The following RALYL variants were observed in gnomAD, a reference collection of about 807,000 sequenced individuals.
RALYL encodes RALY RNA binding protein like.
A neutral mutation model predicts 35.1 loss-of-function variants in RALYL; 29 were observed. The ratio of observed to expected loss-of-function variants is 0.83; its 90% CI spans 0.61 to 1.13. RALYL has a LOEUF of 1.13. Ranked by LOEUF, RALYL falls within the 50% of genes most tolerant of loss-of-function variation. The pLI, the probability that RALYL is intolerant of heterozygous loss-of-function variation, is 0.00. For synonymous variants in RALYL, 120 were observed against 127.6 expected, an observed-to-expected ratio of 0.94 and a Z score of 0.40; for missense variants, 359 against 360.4, an observed-to-expected ratio of 1.00 and a Z score of 0.03.
rs1352691341 is a variant in RALYL at position 84,757,194 on chromosome 8, T to C, written c.257-17385T>C. 2.0e-5 allele frequency among the ~76,000 whole-genome samples: 3 copies of C among 152,294 alleles called. No individual in the cohort carries two copies. The East Asian group carries it at 5.8e-4, about 29-fold the overall frequency. ...CTATGAATATTAGATTATCTGCTGTTAATTAAACTCAGGCCTGATATGATG... is the reference window on the plus strand; with the variant it reads ...CTATGAATATTAGATTATCTGCTGTCAATTAAACTCAGGCCTGATATGATG... On this transcript the variant is annotated intron_variant, in intron 2 of 8. Transcript: ENST00000521268.
intron 2 of RALYL, among the ~76,000 whole-genome samples, chr8:84,750,596 G>A (rs967070826): frequency 6.6e-6 from 1 of 152,130 alleles, no homozygotes; most frequent in African/African-American, 2.4e-5. Context: ...CATTTAAGAG[G>A]AAATAAGATT....
intron 1 of RALYL, among the ~76,000 whole-genome samples, chr8:84,485,473 A>G (rs1161932868): frequency 6.6e-6 from 1 of 152,068 alleles, no homozygotes; most frequent in Non-Finnish European, 1.5e-5. Flanking sequence ...TCAAATACTC[A>G]GGAGGCTGAG....
intron 1 of RALYL, among the ~76,000 whole-genome samples, chr8:84,254,454 A>G (rs1396809441): frequency 6.6e-6 from 1 of 152,088 alleles, no homozygotes; most frequent in East Asian, 1.9e-4. Flanking sequence ...AGTCTGTGGG[A>G]TCTGCAAGCC....
chr8:84,752,687 GA>G (rs925218956), intron 2 of RALYL, among the ~76,000 whole-genome samples: 17 of 152,162 alleles, frequency 1.1e-4, no homozygotes, highest in Admixed American at 2.6e-4. Context: ...AGCAGTAGCT[GA>G]AAGGGTCCCA....
intron 1 of RALYL, among the ~76,000 whole-genome samples, chr8:84,313,065 C>T (rs916083212): frequency 6.6e-6 from 1 of 152,236 alleles, no homozygotes; most frequent in Admixed American, 6.5e-5. Flanking sequence ...CTTCTGCACA[C>T]CTGCAGTCCC....
At position 84,850,099 on chromosome 8, in the gene RALYL, T is replaced by A. The variant is rs940419275; in HGVS notation, c.413+72T>A. On this transcript the variant is annotated intron_variant, in intron 5 of 8. Transcript: ENST00000521268. ...TTAACCATTTTGTACATTTTATTCA[T>A]GGGTGCTCTTAATTATGGTATTTAA... 1.7e-5 allele frequency: 13 copies of A among 760,740 alleles called. No homozygotes were observed. In the African/African-American group the frequency reaches 2.4e-4, roughly 14 times the overall value. 47.1% of individuals were successfully genotyped at this position (760,740 alleles called of 1,614,324 possible).
At chr8:84,509,085 T>C (rs1302052643) in intron 1 of RALYL, among the ~76,000 whole-genome samples, 1 of 152,188 alleles carries the variant, frequency 6.6e-6, no homozygotes, top group Non-Finnish European at 1.5e-5. Flanking sequence ...TCAAAAAAGA[T>C]ATTCTATTGG....
chr8:84,763,747 A>G, intron 2 of RALYL, among the ~76,000 whole-genome samples: 1 of 152,340 alleles, frequency 6.6e-6, no homozygotes, highest in Middle Eastern at 3.4e-3. Context: ...CAGAGGACAC[A>G]AAATAACTTT....
At chr8:84,308,415 G>T (rs1230144160) in intron 1 of RALYL, among the ~76,000 whole-genome samples, 2 of 152,060 alleles carry the variant, frequency 1.3e-5, no homozygotes, top group African/African-American at 2.4e-5. Context: ...TCATGCCATT[G>T]ATTTGTTGGA....
At chr8:84,694,351 A>C (rs2132208866) in intron 2 of RALYL, among the ~76,000 whole-genome samples, 1 of 152,044 alleles carries the variant, frequency 6.6e-6, no homozygotes, top group East Asian at 1.9e-4. Flanking sequence ...TTAAGAAAAC[A>C]ATCTCGTTTA....
intron 1 of RALYL, among the ~76,000 whole-genome samples, chr8:84,444,356 C>A (rs547899085): frequency 6.6e-6 from 1 of 151,424 alleles, no homozygotes; most frequent in Non-Finnish European, 1.5e-5. Context: ...AGCAAAAAAA[C>A]AACAATGAAA....
intron 3 of RALYL, among the ~76,000 whole-genome samples, chr8:84,785,885 T>A (rs1031539869): frequency 2.6e-5 from 4 of 152,228 alleles, no homozygotes; most frequent in Non-Finnish European, 5.9e-5. Flanking sequence ...GTTACATAGG[T>A]AAATGTGTGC....
chr8:84,562,817 G>A (rs2061550709), intron 2 of RALYL, among the ~76,000 whole-genome samples: 1 of 151,890 alleles, frequency 6.6e-6, no homozygotes, highest in African/African-American at 2.4e-5. Context: ...ATTAAAGTTA[G>A]GGAGGCATTA....
At chr8:84,710,539 T>C (rs1842008073) in intron 2 of RALYL, among the ~76,000 whole-genome samples, 1 of 149,278 alleles carries the variant, frequency 6.7e-6, no homozygotes, top group African/African-American at 2.6e-5. Flanking sequence ...TGACCTCAGG[T>C]GATCTGCCTG....
At chr8:84,516,226 G>A (rs1214453385) in intron 1 of RALYL, among the ~76,000 whole-genome samples, 1 of 141,676 alleles carries the variant, frequency 7.1e-6, no homozygotes, top group East Asian at 2.2e-4. Context: ...TTATATCACA[G>A]GGTTAAAATG....
At chr8:84,698,210 C>T (rs1039464828) in intron 2 of RALYL, among the ~76,000 whole-genome samples, 1 of 152,088 alleles carries the variant, frequency 6.6e-6, no homozygotes, top group African/African-American at 2.4e-5. Flanking sequence ...TACCTCGCAT[C>T]ACTGCTTTAA....
chr8:84,635,349 A>G (rs190713548), intron 2 of RALYL, among the ~76,000 whole-genome samples: 8 of 124,612 alleles, frequency 6.4e-5, no homozygotes, highest in African/African-American at 2.0e-4. Flanking sequence ...ACTGTCTTCT[A>G]TAGAAGAACT....
intron 1 of RALYL, among the ~76,000 whole-genome samples, chr8:84,364,749 G>A (rs1586620750): frequency 6.6e-6 from 1 of 152,040 alleles, no homozygotes; most frequent in Non-Finnish European, 1.5e-5. Context: ...GTTTAGGAGA[G>A]TATATTCTAC....
chr8:84,816,357 G>T (rs1563668897), intron 4 of RALYL, among the ~76,000 whole-genome samples: 1 of 152,074 alleles, frequency 6.6e-6, no homozygotes, highest in Non-Finnish European at 1.5e-5. Flanking sequence ...TTCTTCTTCA[G>T]CATGAAGTTG....
Sources: allele counts gnomAD v4.1 joint callset (sites outside exome capture counted in the v4.1 genomes callset), GRCh38; gene constraint gnomAD v4.1.1; transcripts MANE v1.5; gene names NCBI Gene and HGNC (gene_info 2026-07-23, HGNC 2026-07-21).